Variants in DRC9 observed in about 807,000 individuals in gnomAD.
DRC9 encodes the protein dynein regulatory complex subunit 9.
At chr3:197,935,388 G>A in the DRC9 span, among the ~76,000 whole-genome samples, 9 of 151,428 alleles carry the variant, frequency 5.9e-5, no homozygotes, top group African/African-American at 1.7e-4. Context: ...TGCGTGAGCC[G>A]GGATTGCGCC....
chr3:197,893,478 T>C, the DRC9 span, among the ~76,000 whole-genome samples: 2 of 151,196 alleles, frequency 1.3e-5, no homozygotes, highest in Admixed American at 6.6e-5. Flanking sequence ...AGGAATAGCA[T>C]CGGATCTCTC....
the DRC9 span, chr3:197,932,155 A>G: frequency 2.4e-5 from 38 of 1,606,444 alleles, no homozygotes; most frequent in Non-Finnish European, 2.9e-5. Flanking sequence ...AAAGCAAGTA[A>G]ACCTAACATG....
chr3:197,898,002 C>T, the DRC9 span, among the ~76,000 whole-genome samples: 3 of 149,254 alleles, frequency 2.0e-5, no homozygotes, highest in Non-Finnish European at 3.0e-5. Flanking sequence ...AGGATGGTCT[C>T]GATCTCCTGA....
the DRC9 span, chr3:197,950,815 C>T: frequency 3.7e-6 from 3 of 821,346 alleles, no homozygotes; most frequent in East Asian, 2.6e-5. Flanking sequence ...CATTGTTGTC[C>T]CCGAACTCCT....
At chr3:197,893,230 A>G in the DRC9 span, among the ~76,000 whole-genome samples, 6 of 151,762 alleles carry the variant, frequency 4.0e-5, no homozygotes, top group African/African-American at 1.5e-4. Flanking sequence ...GGTGGCGCAT[A>G]CCTGTAATCC....
chr3:197,954,144 A>G, the DRC9 span: 1 of 1,614,166 alleles, frequency 6.2e-7, no homozygotes, highest in East Asian at 2.2e-5. Flanking sequence ...ACAGAATCCG[A>G]GTGGTGAGTA....
the DRC9 span, among the ~76,000 whole-genome samples, chr3:197,902,898 T>C: frequency 1.3e-3 from 202 of 152,070 alleles, no homozygotes; most frequent in African/African-American, 2.8e-3. Context: ...AAAAATAAAC[T>C]GGAAGAATCA....
At chr3:197,893,191 C>T in the DRC9 span, among the ~76,000 whole-genome samples, 17 of 151,774 alleles carry the variant, frequency 1.1e-4, no homozygotes, top group African/African-American at 4.1e-4. Context: ...AGCCCCGTCT[C>T]TACTAAAAAT....
At chr3:197,942,385 CAAAAAAAAA>C in the DRC9 span, among the ~76,000 whole-genome samples, 112 of 17,000 alleles carry the variant, frequency 6.6e-3, no homozygotes, top group Non-Finnish European at 0.016. Context: ...CTCCGTCTCA[CAAAAAAAAA>C]AAAAAAAAAA....
chr3:197,936,142 C>T, the DRC9 span, among the ~76,000 whole-genome samples: 16 of 149,350 alleles, frequency 1.1e-4, no homozygotes, highest in South Asian at 6.4e-4. Flanking sequence ...CCAGCCTGGG[C>T]GACAGAGTAA....
chr3:197,897,315 A>G, the DRC9 span, among the ~76,000 whole-genome samples: 2 of 152,164 alleles, frequency 1.3e-5, no homozygotes, highest in Non-Finnish European at 2.9e-5. Flanking sequence ...ATATAAATCA[A>G]TCAAGCCAAA....
At chr3:197,897,768 A>G in the DRC9 span, among the ~76,000 whole-genome samples, 1 of 139,788 alleles carries the variant, frequency 7.2e-6, no homozygotes, top group African/African-American at 2.7e-5. Context: ...ACAAGCATAA[A>G]CCTTTTTTTT....
chr3:197,945,801 C>T, the DRC9 span: 43 of 574,262 alleles, frequency 7.5e-5, 1 homozygote, highest in African/African-American at 4.9e-4. Flanking sequence ...CTGTGACTAT[C>T]GCCTCTTTGT....
the DRC9 span, chr3:197,957,258 A>T: frequency 6.6e-6 from 1 of 152,158 alleles, no homozygotes; most frequent in Non-Finnish European, 1.5e-5. Context: ...ACCTACAAAG[A>T]GGGTAGTGAG....
chr3:197,922,644 C>G, the DRC9 span, among the ~76,000 whole-genome samples: 1 of 151,858 alleles, frequency 6.6e-6, no homozygotes, highest in East Asian at 1.9e-4. Flanking sequence ...AGACGGAGGT[C>G]GCAGTGAGCC....
chr3:197,944,434 T>TTTTAA, the DRC9 span, among the ~76,000 whole-genome samples: 1 of 149,952 alleles, frequency 6.7e-6, no homozygotes. Flanking sequence ...AAGTTTGTGT[T>TTTTAA]TTTATTTTAT....
the DRC9 span, chr3:197,892,866 G>T: frequency 7.1e-7 from 1 of 1,404,870 alleles, no homozygotes; most frequent in South Asian, 1.3e-5. Flanking sequence ...ATTCCATAGT[G>T]AGAGAAGGCA....
chr3:197,939,263 C>T, the DRC9 span, among the ~76,000 whole-genome samples: 2 of 152,038 alleles, frequency 1.3e-5, no homozygotes, highest in Non-Finnish European at 2.9e-5. Flanking sequence ...ATAGCAGAGA[C>T]GCAAATGTTC....
At chr3:197,942,655 C>T in the DRC9 span, among the ~76,000 whole-genome samples, 16 of 151,954 alleles carry the variant, frequency 1.1e-4, no homozygotes, top group African/African-American at 3.9e-4. Flanking sequence ...TGGTGGCTCA[C>T]GCCTGTAATC....
Sources: allele counts gnomAD v4.1 joint callset (sites outside exome capture counted in the v4.1 genomes callset), GRCh38; gene constraint gnomAD v4.1.1; transcripts MANE v1.5; gene names NCBI Gene and HGNC (gene_info 2026-07-23, HGNC 2026-07-21).